POLK: variants seen among roughly 807,000 people sequenced by gnomAD.
POLK encodes polymerase (DNA directed) kappa.
In POLK, 76 loss-of-function variants were observed where a neutral mutation model predicts 94.0. The observed-to-expected ratio is 0.81, with a 90% CI of 0.67 to 0.98. POLK has a LOEUF of 0.98. Ranked by LOEUF, POLK falls within the 50% of genes least tolerant of loss-of-function variation. The pLI, the probability that POLK is intolerant of heterozygous loss-of-function variation, is 0.00. For synonymous variants in POLK, 349 were observed against 325.4 expected (o/e 1.07, Z -0.78); for missense variants, 954 against 1,010.1 (o/e 0.94, Z 0.75).
At chr5:75,511,450 C>T (rs1561318148), upstream of POLK, 1 of 1,533,126 alleles carries the variant, frequency 6.5e-7, no homozygotes, top group Non-Finnish European at 8.8e-7. Context: ...TCAGCCGCCG[C>T]CGCCGTCGCC....
At chr5:75,513,453 C>T (rs939282873) in intron 1 of POLK, among the ~76,000 whole-genome samples, 3 of 152,120 alleles carry the variant, frequency 2.0e-5, no homozygotes, top group African/African-American at 7.2e-5. Flanking sequence ...CCTTAATGCA[C>T]TTCACAGCTG....
At chr5:75,597,206 T>A in intron 13 of POLK, 28 bp downstream of exon 13, 2 of 1,090,362 alleles carry the variant, frequency 1.8e-6, no homozygotes, top group South Asian at 2.8e-5. Flanking sequence ...TTAAACTGCA[T>A]GATTTTCTAG....
chr5:75,524,618 A>AC (rs1768742947), intron 1 of POLK, among the ~76,000 whole-genome samples: 2 of 151,900 alleles, frequency 1.3e-5, no homozygotes, highest in Non-Finnish European at 2.9e-5. Context: ...AACCTAGAAA[A>AC]AAAAAACAAA....
At chr5:75,593,275 G>A (rs575846943) in intron 11 of POLK, among the ~76,000 whole-genome samples, 15 of 151,944 alleles carry the variant, frequency 9.9e-5, no homozygotes, top group Non-Finnish European at 1.6e-4. Context: ...GGGATTACAG[G>A]TGCCTGCCAT....
At chr5:75,536,942 A>G (rs1012055175) in intron 1 of POLK, among the ~76,000 whole-genome samples, 2 of 151,932 alleles carry the variant, frequency 1.3e-5, no homozygotes, top group Admixed American at 6.6e-5. Flanking sequence ...AGAAAGCTGC[A>G]TCCTTCAGCT....
chr5:75,559,804 G>A (rs1200176427), intron 3 of POLK, among the ~76,000 whole-genome samples: 1 of 151,642 alleles, frequency 6.6e-6, no homozygotes, highest in Non-Finnish European at 1.5e-5. Flanking sequence ...CCTCCCAAAG[G>A]GGTTAAAGGC....
Position 75,576,881 on chromosome 5 carries a change from G to A in POLK, c.642G>A (p.Trp214Ter). The stretch of plus-strand genomic sequence containing the variant: ...AGCACTTAGAAGAAAGACAAAATTG[G>A]CCTGAGGATAAAAGAAGGTATTTCA... The change falls in exon 6 of 15, where the codon TGG becomes TGA. Residue 214 changes from tryptophan to a stop codon, truncating the protein, a stop_gained. Transcript: ENST00000241436. LOFTEE classifies it high-confidence loss of function. 1 of 1,566,952 alleles carries A rather than the reference G, an allele frequency of 6.4e-7. No individual in the cohort carries two copies.
chr5:75,566,429 A>G (rs1377216650), intron 3 of POLK, among the ~76,000 whole-genome samples: 1 of 152,196 alleles, frequency 6.6e-6, no homozygotes, highest in African/African-American at 2.4e-5. Context: ...AAACTCCTGC[A>G]GCTAGCTCAG....
chr5:75,542,372 T>C (rs1769781980), intron 1 of POLK, among the ~76,000 whole-genome samples: 1 of 152,024 alleles, frequency 6.6e-6, no homozygotes, highest in African/African-American at 2.4e-5. Flanking sequence ...TTCTCTCTTA[T>C]TACTTTTGGT....
rs575507126 is a variant in POLK at position 75,530,245 on chromosome 5, C to CTTTT, written c.-13-16746_-13-16743dup. 2.5e-3 allele frequency among the ~76,000 whole-genome samples: 236 copies of CTTTT among 95,918 alleles called. 3 individuals carry two copies. The highest frequency in any genetic ancestry group is 3.5e-3 in the East Asian group (11 of 3,116). 62.9% of individuals were successfully genotyped at this position (95,918 alleles called of 152,430 possible). On this transcript the variant is annotated intron_variant, in intron 1 of 14. Transcript: ENST00000241436. Reference sequence around the variant, plus strand: ...CAAAAAGCTGAATCTATTTGTATTTCTTTTTTTTTTTTTTTTTTTTTTGAG... The same window carrying CTTTT: ...CAAAAAGCTGAATCTATTTGTATTTCTTTTTTTTTTTTTTTTTTTTTTTTTTGAG...
At chr5:75,546,407 C>T (rs190528369) in intron 1 of POLK, among the ~76,000 whole-genome samples, 6 of 152,096 alleles carry the variant, frequency 3.9e-5, no homozygotes, top group South Asian at 4.2e-4. Context: ...GTGGCAGAAA[C>T]GGAAGAAATT....
chr5:75,600,232 T>C (rs1335561082), exon 15 of POLK: 2 of 152,108 alleles, frequency 1.3e-5, no homozygotes, highest in Non-Finnish European at 2.9e-5. Flanking sequence ...ATGAAAATAT[T>C]CCCAGCCATA....
chr5:75,560,255 A>G (rs1379194861), intron 3 of POLK, among the ~76,000 whole-genome samples: 1 of 152,186 alleles, frequency 6.6e-6, no homozygotes, highest in African/African-American at 2.4e-5. Flanking sequence ...CACTTAGCAT[A>G]TTATATGACA....
rs58797043 is a variant in POLK, at chr5:75,527,502, T to TACACACAC, written c.-14+15620_-14+15627dup. Among the ~76,000 whole-genome samples the TACACACAC allele has an allele frequency of 4.8e-3, 639 of 132,984 alleles. 3 individuals carry two copies. The highest frequency in any genetic ancestry group is 0.017 in the East Asian group (77 of 4,654). 87.2% of individuals were successfully genotyped at this position (132,984 alleles called of 152,430 possible). A position where few individuals can be genotyped will look rare whatever the true frequency, so the allele number is the denominator to read the frequency against. ...CTCAAAAAAAAAAAAAATTTATATA[T>TACACACAC]ACACACACACACACACACACACACA... On this transcript the variant is annotated intron_variant, in intron 1 of 14. Transcript: ENST00000241436.
chr5:75,539,652 TCTTA>T (rs1052986771), intron 1 of POLK, among the ~76,000 whole-genome samples: 4 of 152,016 alleles, frequency 2.6e-5, no homozygotes, highest in African/African-American at 9.7e-5. Flanking sequence ...GAGACAGGCG[TCTTA>T]CTCTCTTGCC....
chr5:75,603,738 T>C (rs1773352719), downstream of POLK, among the ~76,000 whole-genome samples: 1 of 152,214 alleles, frequency 6.6e-6, no homozygotes, highest in Non-Finnish European at 1.5e-5. Context: ...TGTGCTCCAT[T>C]GTTCCCTCTG....
intron 2 of POLK, among the ~76,000 whole-genome samples, chr5:75,547,470 G>A (rs962367281): frequency 6.6e-6 from 1 of 151,188 alleles, no homozygotes; most frequent in Non-Finnish European, 1.5e-5. Context: ...AATATAACTT[G>A]GAGCTCTTTC....
chr5:75,590,484 A>C (rs1459168271), intron 11 of POLK, 44 bp downstream of exon 11: 7 of 1,056,180 alleles, frequency 6.6e-6, no homozygotes, highest in Admixed American at 1.8e-5. Flanking sequence ...AAGTTTTTTA[A>C]TAGTAAAATG....
At chr5:75,565,694 G>T (rs1771228999) in intron 3 of POLK, among the ~76,000 whole-genome samples, 1 of 152,104 alleles carries the variant, frequency 6.6e-6, no homozygotes, top group South Asian at 2.1e-4. Flanking sequence ...TGTTTGCCTG[G>T]GTATCACCAG....
Sources: allele counts gnomAD v4.1 joint callset (sites outside exome capture counted in the v4.1 genomes callset), GRCh38; gene constraint gnomAD v4.1.1; transcripts MANE v1.5; gene names NCBI Gene and HGNC (gene_info 2026-07-23, HGNC 2026-07-21).